Variants in NAALADL2 observed in about 807,000 individuals in gnomAD.
NAALADL2 encodes inactive N-acetylated-alpha-linked acidic dipeptidase-like protein 2.
In NAALADL2, 76 loss-of-function variants were observed where a neutral mutation model predicts 87.2. The ratio of observed to expected loss-of-function variants is 0.87; its 90% confidence interval spans 0.72 to 1.05. NAALADL2 has a LOEUF of 1.05. NAALADL2 is among the 50% of genes least tolerant of loss of function. The pLI is 0.00. For missense variants in NAALADL2, 1,089 were observed against 945.8 expected (o/e 1.15, Z -1.99); for synonymous variants, 354 against 331.0 (o/e 1.07, Z -0.75).
chr3:175,509,677 G>A (rs979101018), intron 9 of NAALADL2, among the ~76,000 whole-genome samples: 1 of 152,126 alleles, frequency 6.6e-6, no homozygotes, highest in South Asian at 2.1e-4. Context: ...ATGAGTAAAT[G>A]AATATGTGTT....
intron 12 of NAALADL2, among the ~76,000 whole-genome samples, chr3:175,752,463 T>C (rs1583113459): frequency 6.6e-6 from 1 of 152,230 alleles, no homozygotes; most frequent in East Asian, 1.9e-4. Context: ...GTAAGGTTTC[T>C]TTCTGGTCTT....
At chr3:174,937,637 G>A (rs1220435135) in intron 1 of NAALADL2, among the ~76,000 whole-genome samples, 3 of 151,916 alleles carry the variant, frequency 2.0e-5, no homozygotes, top group Admixed American at 6.6e-5. Flanking sequence ...GCATTTCCAG[G>A]GTTGCTAAGC....
At chr3:175,733,255 G>A (rs1561053968) in intron 11 of NAALADL2, among the ~76,000 whole-genome samples, 1 of 152,134 alleles carries the variant, frequency 6.6e-6, no homozygotes, top group Admixed American at 6.5e-5. Context: ...GGCAATTTAC[G>A]AAGGAAAGAG....
At chr3:175,800,483 A>G (rs978907222) in intron 13 of NAALADL2, among the ~76,000 whole-genome samples, 1 of 151,628 alleles carries the variant, frequency 6.6e-6, no homozygotes, top group African/African-American at 2.4e-5. Flanking sequence ...TATTAGAGAT[A>G]GTTCCCATTT....
At chr3:175,530,213 C>T (rs1310141884) in intron 9 of NAALADL2, among the ~76,000 whole-genome samples, 3 of 152,226 alleles carry the variant, frequency 2.0e-5, no homozygotes, top group Non-Finnish European at 4.4e-5. Context: ...TTAAAATCCT[C>T]CTCTGCTGAG....
intron 2 of NAALADL2, among the ~76,000 whole-genome samples, chr3:174,643,274 A>G (rs747907157): frequency 7.9e-5 from 12 of 152,178 alleles, no homozygotes; most frequent in Non-Finnish European, 1.6e-4. Flanking sequence ...TAAACAAGTA[A>G]GCAAATAGGT....
chr3:175,180,173 G>A (rs367802403), intron 2 of NAALADL2, among the ~76,000 whole-genome samples: 1 of 151,766 alleles, frequency 6.6e-6, no homozygotes, highest in African/African-American at 2.4e-5. Context: ...AACTGAATTC[G>A]GTTGAATTAT....
In NAALADL2 at chr3:175,012,032, C is replaced by T. The variant is rs533855264; in HGVS notation, c.44-84758C>T. Among the ~76,000 whole-genome samples the T allele has an allele frequency of 5.6e-4, 86 of 152,238 alleles. 1 individual carries two copies. Among genetic ancestry groups the T allele is most frequent in the African/African-American group, 1.8e-3 (75 of 41,532 alleles). ...ACAAGAGAAAGAATGTATGGCAATG[C>T]CAGCAAAATTAATGAATGTGTTAAG... On this transcript the variant is annotated intron_variant, in intron 1 of 13. Coordinates refer to ENST00000454872, the MANE Select transcript of NAALADL2 (RefSeq NM_207015.3).
chr3:175,017,178 T>C lies in NAALADL2; in HGVS notation c.44-79612T>C, dbSNP rs79639200. ...GCTCACATTGCTTTTCTTTTTTTTTTCCCTCACATTGCTTTTCATAGATAT... is the reference window on the plus strand; with the variant it reads ...GCTCACATTGCTTTTCTTTTTTTTTCCCCTCACATTGCTTTTCATAGATAT... On this transcript the variant is annotated intron_variant, in intron 1 of 13. Coordinates refer to ENST00000454872, the MANE Select transcript of NAALADL2 (RefSeq NM_207015.3). Among the ~76,000 whole-genome samples, 156 of 150,950 alleles carry C rather than the reference T, an allele frequency of 1.0e-3. 1 individual carries two copies. Among genetic ancestry groups the C allele is most frequent in the East Asian group, 7.0e-3 (36 of 5,138 alleles).
intron 5 of NAALADL2, among the ~76,000 whole-genome samples, chr3:175,378,058 C>T (rs1012789199): frequency 2.6e-5 from 4 of 152,196 alleles, no homozygotes; most frequent in Non-Finnish European, 4.4e-5. Context: ...GCTGTTAACA[C>T]TTAAGCCGTC....
chr3:175,675,315 T>C (rs1369794515), intron 11 of NAALADL2: 1 of 152,254 alleles, frequency 6.6e-6, no homozygotes, highest in South Asian at 2.1e-4. Context: ...CCATTCTGAG[T>C]TTTTGCCCCC....
intron 2 of NAALADL2, among the ~76,000 whole-genome samples, chr3:175,195,878 T>C (rs1580874443): frequency 6.6e-6 from 1 of 151,920 alleles, no homozygotes; most frequent in Admixed American, 6.6e-5. Flanking sequence ...TTCTATAGCA[T>C]TGACAGTTCT....
chr3:174,849,687 A>G (rs1002852098), intron 3 of NAALADL2, among the ~76,000 whole-genome samples: 1 of 144,822 alleles, frequency 6.9e-6, no homozygotes, highest in Admixed American at 7.3e-5. Flanking sequence ...ATGAGCTGAG[A>G]TCGCGCCATT....
At chr3:174,654,060 T>TG (rs1724648332) in intron 2 of NAALADL2, among the ~76,000 whole-genome samples, 1 of 143,962 alleles carries the variant, frequency 6.9e-6, no homozygotes, top group African/African-American at 2.5e-5. Context: ...TAAGATGGCT[T>TG]TGTGTGTGTG....
chr3:175,746,601 G>T (rs577132546), intron 12 of NAALADL2, among the ~76,000 whole-genome samples: 5 of 152,094 alleles, frequency 3.3e-5, no homozygotes, highest in Non-Finnish European at 7.4e-5. Context: ...TCCAATAAAA[G>T]ATTTTGTTCC....
chr3:175,053,813 C>T (rs1412607806), intron 1 of NAALADL2, among the ~76,000 whole-genome samples: 2 of 152,190 alleles, frequency 1.3e-5, no homozygotes, highest in South Asian at 2.1e-4. Context: ...AACTTCTTTC[C>T]AGGTAATGCT....
rs1260646442 is a variant in NAALADL2, at chr3:175,131,745, G to A, written c.545+34454G>A. On this transcript the variant is annotated intron_variant, in intron 2 of 13. Transcript: ENST00000454872. ...CGGGCAGAGGCGCCCCTCACCCCCC[G>A]GACAGGGCGGCTGGCCGGGCAGGGG... Among the ~76,000 whole-genome samples the A allele has an allele frequency of 1.5e-4, 22 of 150,006 alleles. 1 individual carries two copies. The highest frequency in any genetic ancestry group is 5.4e-4 in the African/African-American group (22 of 40,708).
In NAALADL2 at chr3:175,300,336, A is replaced by G. The variant is rs184432460; in HGVS notation, c.940-23839A>G. 2.0e-3 allele frequency among the ~76,000 whole-genome samples: 304 copies of G among 152,000 alleles called. 1 individual carries two copies. The highest frequency in any genetic ancestry group is 7.1e-3 in the African/African-American group (293 of 41,452). On this transcript the variant is annotated intron_variant, in intron 4 of 13. Coordinates refer to ENST00000454872, the MANE Select transcript of NAALADL2 (RefSeq NM_207015.3). ...GTTAGGGAGGATTCCCTCTTTTTCTATTGTTTGGAATAGTTTCAGAAGGAA... is the reference window on the plus strand; with the variant it reads ...GTTAGGGAGGATTCCCTCTTTTTCTGTTGTTTGGAATAGTTTCAGAAGGAA...
rs1014114598 is a variant in NAALADL2, at chr3:174,865,188, CA to C, written c.43+5747del. Among the ~76,000 whole-genome samples the C allele has an allele frequency of 1.1e-4, 16 of 147,948 alleles. 1 individual carries two copies. Among genetic ancestry groups the C allele is most frequent in the South Asian group, 8.6e-4 (4 of 4,642 alleles). On this transcript the variant is annotated intron_variant, in intron 1 of 13. Transcript: ENST00000454872. The stretch of plus-strand genomic sequence containing the variant: ...TGTAATGCAGGTTGTATATTGTGTC[CA>C]AAAAAAAATAATAAAGTTATAAAAT...
Sources: allele counts gnomAD v4.1 joint callset (sites outside exome capture counted in the v4.1 genomes callset), GRCh38; gene constraint gnomAD v4.1.1; transcripts MANE v1.5; gene names NCBI Gene and HGNC (gene_info 2026-07-23, HGNC 2026-07-21).